The following ENKUR variants were observed in gnomAD, a reference collection of about 807,000 sequenced individuals.
The protein encoded by ENKUR is enkurin.
Under a neutral mutation model 27.6 loss-of-function variants are expected in ENKUR, and 19 were observed. The observed-to-expected ratio is 0.69, with a 90% CI of 0.48 to 1.01. The LOEUF is 1.01. ENKUR is among the 50% of genes least tolerant of loss of function. ENKUR has a pLI of 0.00. For missense variants in ENKUR, 312 were observed against 310.5 expected (o/e 1.00, Z -0.04); for synonymous variants, 117 against 96.9 (o/e 1.21, Z -1.22).
chr10:25,001,244 A>G (rs1042463012), intron 1 of ENKUR, among the ~76,000 whole-genome samples: 4 of 151,934 alleles, frequency 2.6e-5, no homozygotes, highest in African/African-American at 9.7e-5. Context: ...TCGTTTCTAA[A>G]GATAAATTTA....
At chr10:24,996,371 G>T (rs566200439) in intron 2 of ENKUR, among the ~76,000 whole-genome samples, 4 of 152,070 alleles carry the variant, frequency 2.6e-5, no homozygotes, top group Non-Finnish European at 5.9e-5. Flanking sequence ...GCAGTGAACC[G>T]AGATCATGCC....
chr10:24,984,762 C>T lies in ENKUR; in HGVS notation c.738G>A (p.Lys246=), dbSNP rs751098598. ...TATTGGCAATATAAATAATCTTGTG[C>T]TTTTCAATTATGCCAATGTCGTGTT... The part of the protein sequence containing the change: ...QLEHDIGIIE[K]HKIIYIANNA Residue 246 remains lysine, a synonymous_variant, in exon 5 of 6, where the codon AAG becomes AAA. Coordinates refer to ENST00000331161, the MANE Select transcript of ENKUR (RefSeq NM_145010.4). 8 of 1,611,972 alleles carry T rather than the reference C, an allele frequency of 5.0e-6. No individual in the cohort carries two copies. In the South Asian group the frequency reaches 7.8e-5, roughly 16 times the overall value.
At chr10:25,050,143 C>T (rs1390096134) in intron 2 of ENKUR, among the ~76,000 whole-genome samples, 1 of 152,116 alleles carries the variant, frequency 6.6e-6, no homozygotes, top group Non-Finnish European at 1.5e-5. Flanking sequence ...CACTCATCAC[C>T]AAGGGGATGG....
At chr10:25,016,182 T>C (rs1850567524), upstream of ENKUR, 2 of 1,181,948 alleles carry the variant, frequency 1.7e-6, no homozygotes, top group African/African-American at 1.6e-5. Context: ...AAACCGTTAC[T>C]AGGCAACGAG....
chr10:25,054,123 T>C (rs1480385991), intron 2 of ENKUR, among the ~76,000 whole-genome samples: 1 of 152,202 alleles, frequency 6.6e-6, no homozygotes, highest in African/African-American at 2.4e-5. Context: ...AAACTTGCTT[T>C]AAATTGAATG....
At chr10:25,032,254 T>C (rs1423959583) in intron 2 of ENKUR, among the ~76,000 whole-genome samples, 1 of 150,544 alleles carries the variant, frequency 6.6e-6, no homozygotes, top group Non-Finnish European at 1.5e-5. Flanking sequence ...GGACTTTTCT[T>C]TTAGCCTCTT....
chr10:25,004,836 G>A (rs533456468), intron 1 of ENKUR, among the ~76,000 whole-genome samples: 40 of 152,156 alleles, frequency 2.6e-4, no homozygotes, highest in Admixed American at 1.3e-3. Flanking sequence ...ATCTTTGCCC[G>A]TGCCTATGTC....
chr10:25,048,563 G>A (rs907308898), intron 2 of ENKUR, among the ~76,000 whole-genome samples: 9 of 151,928 alleles, frequency 5.9e-5, no homozygotes, highest in Non-Finnish European at 1.2e-4. Context: ...AGCCCCAGTC[G>A]TGGAGTTCAC....
upstream of ENKUR, among the ~76,000 whole-genome samples, chr10:25,017,026 G>T (rs1850606881): frequency 6.6e-6 from 1 of 152,128 alleles, no homozygotes. Flanking sequence ...TCGCCCTCCC[G>T]CCCCTGCTCC....
chr10:25,041,516 T>C (rs1851064212), intron 2 of ENKUR, among the ~76,000 whole-genome samples: 1 of 152,220 alleles, frequency 6.6e-6, no homozygotes, highest in African/African-American at 2.4e-5. Context: ...TCTAGAATTC[T>C]AGTTACATAT....
At chr10:25,020,570 C>A (rs1850699803), upstream of ENKUR, among the ~76,000 whole-genome samples, 1 of 151,860 alleles carries the variant, frequency 6.6e-6, no homozygotes, top group Non-Finnish European at 1.5e-5. Context: ...AGTTCGAGAT[C>A]AGTCTGGGCA....
chr10:24,984,834 T>G lies in ENKUR; in HGVS notation c.666A>C (p.Pro222=). The G allele has an allele frequency of 6.2e-7, 1 of 1,613,874 alleles. No individual in the cohort carries two copies. Among genetic ancestry groups the G allele is most frequent in the East Asian group, 2.2e-5 (1 of 44,856 alleles). The change falls in exon 5 of 6, where the codon CCA becomes CCC. Residue 222 remains proline, a synonymous_variant. Coordinates refer to ENST00000331161, the MANE Select transcript of ENKUR (RefSeq NM_145010.4). ...CCAGCCTCTGCTTGCGGATCTTCTT[T>G]GGTATAGAATCTATAAAGACCGAGA... is the stretch of plus-strand genomic sequence containing the variant. ...QSLSVFIDSI[P]KKIRKQRLEE...
chr10:25,060,558 G>C (rs190742448), intron 2 of ENKUR, among the ~76,000 whole-genome samples: 1 of 152,270 alleles, frequency 6.6e-6, no homozygotes, highest in Admixed American at 6.5e-5. Context: ...ATACGATGCC[G>C]TTTTCCAAGA....
rs1332505999 is a variant in ENKUR at position 25,016,034 on chromosome 10, C to T, written c.-98G>A. The T allele has an allele frequency of 6.7e-7, 1 of 1,493,828 alleles. No individual in the cohort carries two copies. 92.5% of individuals were successfully genotyped at this position (1,493,828 alleles called of 1,614,324 possible). On this transcript the variant is annotated 5_prime_UTR_variant, in exon 1 of 6. Transcript: ENST00000331161. ...CTTCACTGCTTCCCCTTTCTTTCTTCTTCGCCTTCTGAAGGACCACAGGTT... is the reference window on the plus strand; with the variant it reads ...CTTCACTGCTTCCCCTTTCTTTCTTTTTCGCCTTCTGAAGGACCACAGGTT...
chr10:24,992,597 C>T (rs1019589425), intron 3 of ENKUR, among the ~76,000 whole-genome samples: 2 of 152,140 alleles, frequency 1.3e-5, no homozygotes, highest in African/African-American at 4.8e-5. Flanking sequence ...GGTCTAGTGA[C>T]AAGCAATGTT....
At chr10:25,056,791 A>G (rs11014365) in intron 2 of ENKUR, among the ~76,000 whole-genome samples, 51,973 of 152,028 alleles carry the variant, frequency 0.34, 9,217 homozygotes, top group East Asian at 0.46. Flanking sequence ...CAATATAGAG[A>G]GGCTATTTGT....
Position 25,015,955 on chromosome 10 carries a change from T to TCACC in ENKUR, c.-20_-19insGGTG. 6.2e-7 allele frequency: 1 copy of TCACC among 1,601,360 alleles called. No homozygotes were observed. The highest frequency in any genetic ancestry group is 8.5e-7 in the Non-Finnish European group (1 of 1,173,666). ...GATCCATGGCCACCAAATGACTCCTTAAAAGCTACTCTCCACAACTTTTTT... is the reference window on the plus strand; with the variant it reads ...GATCCATGGCCACCAAATGACTCCTTCACCAAAAGCTACTCTCCACAACTTTTTT... On this transcript the variant is annotated 5_prime_UTR_variant, in exon 1 of 6. Transcript: ENST00000331161.
chr10:25,042,390 GT>G (rs1019697772), intron 2 of ENKUR, among the ~76,000 whole-genome samples: 3 of 151,980 alleles, frequency 2.0e-5, no homozygotes, highest in Middle Eastern at 3.4e-3. Context: ...CGCCTCCCGG[GT>G]TCAAGCAATT....
At chr10:24,996,548 T>G (rs1850063559) in intron 2 of ENKUR, among the ~76,000 whole-genome samples, 1 of 152,162 alleles carries the variant, frequency 6.6e-6, no homozygotes, top group South Asian at 2.1e-4. Context: ...GTTTGATCAT[T>G]CCCATTGATC....
Sources: gnomAD v4.1 joint callset for allele counts (sites outside exome capture counted in the v4.1 genomes callset) on GRCh38, gnomAD v4.1.1 for gene constraint, MANE v1.5 for transcripts, NCBI Gene and HGNC (gene_info 2026-07-23, HGNC 2026-07-21) for gene names.